SLC2A13: variants seen among roughly 807,000 people sequenced by gnomAD.
SLC2A13 encodes solute carrier family 2 member 13.
SLC2A13 carries 32 observed loss-of-function variants against 64.4 expected under a neutral mutation model. The ratio of observed to expected loss-of-function variants is 0.50; its 90% confidence interval spans 0.37 to 0.67. SLC2A13 has a LOEUF of 0.67. Ranked by LOEUF, SLC2A13 falls within the 30% of genes least tolerant of loss-of-function variation. SLC2A13 has a pLI of 0.00. For missense variants in SLC2A13, 743 were observed against 829.2 expected (o/e 0.90, Z 1.28); for synonymous variants, 338 against 327.1 (o/e 1.03, Z -0.36).
Position 39,830,093 on chromosome 12 carries a change from A to C in SLC2A13, c.1445+10T>G. The C allele has an allele frequency of 6.2e-7, 1 of 1,613,392 alleles. No individual in the cohort carries two copies. Among genetic ancestry groups the C allele is most frequent in the Non-Finnish European group, 8.5e-7 (1 of 1,179,600 alleles). On this transcript the variant is annotated intron_variant, in intron 7 of 9. Transcript: ENST00000280871. The stretch of plus-strand genomic sequence containing the variant: ...TATTATATATTCGTATGGTAAAATG[A>C]GTGATATACCTGCCCCAGGCTGCCT...
At chr12:40,081,017 G>A (rs1938377661) in intron 1 of SLC2A13, among the ~76,000 whole-genome samples, 1 of 152,022 alleles carries the variant, frequency 6.6e-6, no homozygotes, top group African/African-American at 2.4e-5. Flanking sequence ...TAAGGCTGCT[G>A]AATATAAGCC....
chr12:40,036,040 T>C (rs150546103), intron 2 of SLC2A13, among the ~76,000 whole-genome samples: 3 of 152,256 alleles, frequency 2.0e-5, no homozygotes, highest in Non-Finnish European at 4.4e-5. Flanking sequence ...CTGAGAATCA[T>C]CCATGAAAAG....
intron 3 of SLC2A13, among the ~76,000 whole-genome samples, chr12:39,957,062 C>A (rs772797901): frequency 1.1e-4 from 17 of 152,208 alleles, no homozygotes; most frequent in Non-Finnish European, 1.9e-4. Context: ...CATTCTCACA[C>A]AATCACCAAG....
rs375727738 is a variant in SLC2A13, at chr12:40,032,263, G to T, written c.717-3754C>A. Among the ~76,000 whole-genome samples, 16 of 152,240 alleles carry T rather than the reference G, an allele frequency of 1.1e-4. No individual in the cohort carries two copies. The South Asian group carries it at 3.3e-3, about 32-fold the overall frequency. ...AAGCACCCAAGGTCCACACCTTACG[G>T]CAAAAGCCATTTACCTTCTACGGAC... is the stretch of plus-strand genomic sequence containing the variant. On this transcript the variant is annotated intron_variant, in intron 2 of 9. Transcript: ENST00000280871.
intron 7 of SLC2A13, among the ~76,000 whole-genome samples, chr12:39,823,901 A>G (rs1177180616): frequency 1.3e-5 from 2 of 152,180 alleles, no homozygotes; most frequent in Non-Finnish European, 2.9e-5. Flanking sequence ...CTTTGTGTTA[A>G]TGTAAATTGC....
intron 1 of SLC2A13, among the ~76,000 whole-genome samples, chr12:40,081,606 C>T (rs1440215288): frequency 6.6e-6 from 1 of 152,094 alleles, no homozygotes; most frequent in African/African-American, 2.4e-5. Context: ...CCTTAGATTC[C>T]CTGGATTCAG....
At chr12:40,040,611 C>G (rs2136229389) in intron 2 of SLC2A13, among the ~76,000 whole-genome samples, 1 of 152,180 alleles carries the variant, frequency 6.6e-6, no homozygotes, top group Non-Finnish European at 1.5e-5. Context: ...AGGGTGGTCT[C>G]GAACTCCTGA....
At chr12:39,855,002 C>T (rs1276464249) in intron 6 of SLC2A13, among the ~76,000 whole-genome samples, 1 of 152,128 alleles carries the variant, frequency 6.6e-6, no homozygotes, top group Non-Finnish European at 1.5e-5. Flanking sequence ...ATTTCATTAA[C>T]CTTTTACTGA....
chr12:39,986,674 G>A (rs28370811), intron 3 of SLC2A13, among the ~76,000 whole-genome samples: 1 of 148,016 alleles, frequency 6.8e-6, no homozygotes. Context: ...AAAAAAAAAA[G>A]ATTTTTTAAA....
chr12:40,093,401 T>C (rs573239496), intron 1 of SLC2A13, among the ~76,000 whole-genome samples: 1 of 152,188 alleles, frequency 6.6e-6, no homozygotes, highest in Admixed American at 6.5e-5. Context: ...ATGCCTGCTG[T>C]GTACCAGGCA....
chr12:39,872,477 T>C (rs1180405293), intron 4 of SLC2A13, among the ~76,000 whole-genome samples: 1 of 152,168 alleles, frequency 6.6e-6, no homozygotes, highest in Non-Finnish European at 1.5e-5. Flanking sequence ...GTATCTAGCA[T>C]TGTGTAAAAA....
At chr12:39,830,272 G>A in intron 6 of SLC2A13, 44 bp from the exon 7 acceptor site, 4 of 1,596,424 alleles carry the variant, frequency 2.5e-6, no homozygotes, top group Non-Finnish European at 3.4e-6. Flanking sequence ...AGAGACAACT[G>A]GTGCTCACCA....
At chr12:39,859,333 GAAA>G (rs34726316) in intron 6 of SLC2A13, among the ~76,000 whole-genome samples, 8,590 of 61,754 alleles carry the variant, frequency 0.14, 516 homozygotes, top group Middle Eastern at 0.19. Context: ...TTTTTTTTCT[GAAA>G]AAAAAAAAAA....
At chr12:40,052,174 C>G (rs1428789560) in intron 1 of SLC2A13, among the ~76,000 whole-genome samples, 3 of 152,010 alleles carry the variant, frequency 2.0e-5, no homozygotes, top group African/African-American at 7.3e-5. Context: ...AAGGTCAGGT[C>G]ATAGATGGAA....
chr12:39,873,615 A>G (rs1944112235), intron 4 of SLC2A13, among the ~76,000 whole-genome samples: 1 of 152,240 alleles, frequency 6.6e-6, no homozygotes, highest in Non-Finnish European at 1.5e-5. Flanking sequence ...TATATTGTGC[A>G]AAATAATTCT....
intron 1 of SLC2A13, among the ~76,000 whole-genome samples, chr12:40,058,774 C>T (rs528749100): frequency 5.3e-5 from 8 of 152,150 alleles, no homozygotes; most frequent in South Asian, 2.1e-4. Flanking sequence ...CTAACATTTA[C>T]GAAGGGTGAT....
intron 7 of SLC2A13, among the ~76,000 whole-genome samples, chr12:39,776,389 CTA>C (rs1940779440): frequency 6.6e-6 from 1 of 152,228 alleles, no homozygotes; most frequent in Admixed American, 6.5e-5. Context: ...CTGGCCATAA[CTA>C]TGTGTGGCAT....
At chr12:40,081,314 CTCTG>C (rs202138480) in intron 1 of SLC2A13, among the ~76,000 whole-genome samples, 71 of 143,364 alleles carry the variant, frequency 5.0e-4, no homozygotes, top group African/African-American at 1.3e-3. Flanking sequence ...TGCTTGCTCT[CTCTG>C]TCTTTCTCGA....
chr12:39,773,396 T>TA (rs1202402217), intron 7 of SLC2A13, among the ~76,000 whole-genome samples: 6 of 152,172 alleles, frequency 3.9e-5, no homozygotes, highest in Admixed American at 3.3e-4. Flanking sequence ...AATCATGGAA[T>TA]ACACAGAACT....
Sources: allele counts gnomAD v4.1 joint callset (sites outside exome capture counted in the v4.1 genomes callset), GRCh38; gene constraint gnomAD v4.1.1; transcripts MANE v1.5; gene names NCBI Gene and HGNC (gene_info 2026-07-23, HGNC 2026-07-21).